GRM1: variants seen among roughly 807,000 people sequenced by gnomAD.
GRM1 encodes the protein metabotropic glutamate receptor 1.
Under a neutral mutation model 90.9 loss-of-function variants are expected in GRM1, and 33 were observed. That is an observed-to-expected ratio of 0.36 (90% CI 0.28 to 0.49). The LOEUF is 0.49. Ranked by LOEUF, GRM1 falls within the 20% of genes least tolerant of loss-of-function variation. The probability of loss-of-function intolerance (pLI) is 0.99; values close to 1 mark genes in which losing one functional copy is unlikely to be tolerated. For missense variants in GRM1, 1,190 were observed against 1,534.3 expected, an observed-to-expected ratio of 0.78 and a Z score of 3.75; for synonymous variants, 700 against 613.2, an observed-to-expected ratio of 1.14 and a Z score of -2.09.
intron 1 of GRM1, among the ~76,000 whole-genome samples, chr6:146,139,563 A>G (rs1776757108): frequency 2.0e-5 from 3 of 152,154 alleles, no homozygotes; most frequent in Admixed American, 6.5e-5. Context: ...ATTACTATAT[A>G]ATGATCCTTG....
chr6:146,079,408 G>T (rs1398166935), intron 1 of GRM1, among the ~76,000 whole-genome samples: 3 of 152,150 alleles, frequency 2.0e-5, no homozygotes, highest in Non-Finnish European at 2.9e-5. Flanking sequence ...TAAAAAGGGG[G>T]TACTCTGCCA....
chr6:146,344,374 G>A (rs1402039843), intron 3 of GRM1, among the ~76,000 whole-genome samples: 1 of 152,126 alleles, frequency 6.6e-6, no homozygotes, highest in Non-Finnish European at 1.5e-5. Context: ...CCTTCTTATT[G>A]TAGAATCTGT....
chr6:146,288,872 A>C (rs6929180), intron 2 of GRM1, among the ~76,000 whole-genome samples: 34,446 of 152,068 alleles, frequency 0.23, 8,170 homozygotes, highest in African/African-American at 0.6. Context: ...ATAGAGGTGA[A>C]GAATTCCCAT....
chr6:146,205,112 A>G (rs540554707), intron 2 of GRM1, among the ~76,000 whole-genome samples: 1 of 152,322 alleles, frequency 6.6e-6, no homozygotes, highest in South Asian at 2.1e-4. Context: ...AAGTAATGTG[A>G]AAAGTGGCTT....
chr6:146,071,765 T>C (rs1776024779), intron 1 of GRM1, among the ~76,000 whole-genome samples: 1 of 152,120 alleles, frequency 6.6e-6, no homozygotes. Context: ...AATAGCAAGC[T>C]CTGAAACTGA....
intron 3 of GRM1, among the ~76,000 whole-genome samples, chr6:146,318,904 T>A (rs1784072221): frequency 6.6e-6 from 1 of 152,222 alleles, no homozygotes; most frequent in African/African-American, 2.4e-5. Flanking sequence ...ATTAGCCCTT[T>A]GTCAGATGGA....
chr6:146,095,785 C>A (rs1044392434), intron 1 of GRM1, among the ~76,000 whole-genome samples: 19 of 152,088 alleles, frequency 1.2e-4, no homozygotes, highest in African/African-American at 4.6e-4. Context: ...TATTGTACAG[C>A]AGCTTATGGT....
rs141568265 is a variant in GRM1 at position 146,357,580 on chromosome 6, C to T, written c.1488C>T (p.His496=). The change falls in exon 5 of 8, where the codon CAC becomes CAT. Residue 496 remains histidine, a synonymous_variant. Coordinates refer to ENST00000282753, the MANE Select transcript of GRM1 (RefSeq NM_001278064.2). ...AAGCTAATCGCTATGACTATGTGCA[C>T]GTTGGAACCTGGCATGAAGGAGTGC... ...YTEANRYDYV[H]VGTWHEGVLN... 60 of 1,613,462 alleles carry T rather than the reference C, an allele frequency of 3.7e-5. No homozygotes were observed. Among genetic ancestry groups the T allele is most frequent in the Admixed American group, 3.0e-4 (18 of 60,014 alleles).
chr6:146,169,904 T>C (rs139964472), intron 2 of GRM1, among the ~76,000 whole-genome samples: 1 of 152,354 alleles, frequency 6.6e-6, no homozygotes, highest in East Asian at 1.9e-4. Context: ...GTTATCATTA[T>C]TGTCCTTTTT....
At chr6:146,337,621 G>T (rs1388426585) in intron 3 of GRM1, among the ~76,000 whole-genome samples, 1 of 152,088 alleles carries the variant, frequency 6.6e-6, no homozygotes, top group Admixed American at 6.5e-5. Flanking sequence ...TTCAAAAAGC[G>T]CTGCTTCCAG....
intron 3 of GRM1, among the ~76,000 whole-genome samples, chr6:146,311,695 C>A (rs1415929839): frequency 6.6e-6 from 1 of 152,106 alleles, no homozygotes; most frequent in Non-Finnish European, 1.5e-5. Flanking sequence ...ATACATTTTT[C>A]TGTTTAAAAT....
intron 7 of GRM1, among the ~76,000 whole-genome samples, chr6:146,417,789 T>C (rs1156482380): frequency 6.6e-6 from 1 of 152,178 alleles, no homozygotes; most frequent in African/African-American, 2.4e-5. Flanking sequence ...CAAAACATCC[T>C]GAGGTGAAAA....
intron 1 of GRM1, among the ~76,000 whole-genome samples, chr6:146,141,671 A>T (rs904336628): frequency 1.3e-5 from 2 of 151,724 alleles, no homozygotes; most frequent in Non-Finnish European, 2.9e-5. Context: ...CTATTAAGAG[A>T]CTCTGATGCA....
chr6:146,137,967 C>T (rs773205913), intron 1 of GRM1, among the ~76,000 whole-genome samples: 36 of 152,080 alleles, frequency 2.4e-4, no homozygotes, highest in Non-Finnish European at 3.2e-4. Flanking sequence ...TTACTGTTGG[C>T]GTATATAAAT....
intron 2 of GRM1, among the ~76,000 whole-genome samples, chr6:146,249,123 A>G (rs917263001): frequency 6.6e-6 from 1 of 152,240 alleles, no homozygotes; most frequent in Non-Finnish European, 1.5e-5. Flanking sequence ...AGAAGGAAGC[A>G]GAGCATAAAG....
chr6:146,317,262 C>T (rs575445906), intron 3 of GRM1, among the ~76,000 whole-genome samples: 44 of 152,238 alleles, frequency 2.9e-4, no homozygotes, highest in African/African-American at 1.0e-3. Context: ...TTTAAGAGTT[C>T]GAAATAAAAA....
intron 1 of GRM1, among the ~76,000 whole-genome samples, chr6:146,036,534 A>G (rs1187368535): frequency 6.6e-6 from 1 of 151,904 alleles, no homozygotes; most frequent in East Asian, 1.9e-4. Flanking sequence ...TAAAATCTTA[A>G]CTTACATGAG....
intron 1 of GRM1, among the ~76,000 whole-genome samples, chr6:146,033,042 C>T (rs1399871225): frequency 1.3e-5 from 2 of 152,102 alleles, no homozygotes; most frequent in Non-Finnish European, 2.9e-5. Flanking sequence ...TTGTACCACA[C>T]TTGATACATG....
At chr6:146,074,841 T>C (rs1203096234) in intron 1 of GRM1, among the ~76,000 whole-genome samples, 1 of 152,200 alleles carries the variant, frequency 6.6e-6, no homozygotes, top group African/African-American at 2.4e-5. Flanking sequence ...CTTTAAACCA[T>C]GGTTCTGTGA....
Sources: gnomAD v4.1 joint callset for allele counts (sites outside exome capture counted in the v4.1 genomes callset) on GRCh38, gnomAD v4.1.1 for gene constraint, MANE v1.5 for transcripts, NCBI Gene and HGNC (gene_info 2026-07-23, HGNC 2026-07-21) for gene names.